Variants in GRM5 observed in about 807,000 individuals in gnomAD.
GRM5 encodes the protein glutamate metabotropic receptor 5.
Under a neutral mutation model 83.1 loss-of-function variants are expected in GRM5, and 19 were observed. The observed-to-expected ratio is 0.23, with a 90% CI of 0.16 to 0.34. The LOEUF (loss-of-function observed/expected upper bound fraction) is 0.34. GRM5 is among the 10% of genes least tolerant of loss of function. The pLI, the probability that GRM5 is intolerant of heterozygous loss-of-function variation, is 1.00. For synonymous variants in GRM5, 675 were observed against 633.6 expected, an observed-to-expected ratio of 1.07 and a Z score of -0.98; for missense variants, 1,160 against 1,588.3, an observed-to-expected ratio of 0.73 and a Z score of 4.58.
At position 88,508,299 on chromosome 11, in the gene GRM5, C is replaced by G. The variant is rs200857201; in HGVS notation, c.*293G>C. ...CGCACTGCTTCCCTAGAGCAAAGCA[C>G]TTGGTATGGAACTGTTTGAAGAGAC... On this transcript the variant is annotated 3_prime_UTR_variant, in exon 10 of 10. Transcript: ENST00000305447. This position sits in a 1 kb window ranked among gnomAD's most constrained non-coding sequence, Gnocchi z 4.2. 3.7e-6 allele frequency: 1 copy of G among 267,712 alleles called. No individual in the cohort carries two copies. The highest frequency in any genetic ancestry group is 6.9e-6 in the Non-Finnish European group (1 of 144,080). 16.6% of individuals were successfully genotyped at this position (267,712 alleles called of 1,614,324 possible). A position where few individuals can be genotyped will look rare whatever the true frequency, so the allele number is the denominator to read the frequency against.
chr11:89,055,765 G>A (rs1343048698), intron 1 of GRM5, among the ~76,000 whole-genome samples: 1 of 151,320 alleles, frequency 6.6e-6, no homozygotes, highest in African/African-American at 2.4e-5. Flanking sequence ...TTTCATATAA[G>A]TTCATTTGGA....
chr11:88,995,256 A>T (rs1940143424), intron 2 of GRM5, among the ~76,000 whole-genome samples: 1 of 152,126 alleles, frequency 6.6e-6, no homozygotes, highest in African/African-American at 2.4e-5. Flanking sequence ...GAGTTAAAAT[A>T]AGGCCAGTGA....
At chr11:88,861,171 A>T (rs1944555636) in intron 2 of GRM5, among the ~76,000 whole-genome samples, 1 of 152,142 alleles carries the variant, frequency 6.6e-6, no homozygotes, top group Non-Finnish European at 1.5e-5. Context: ...TTTAGATCCT[A>T]TACATTTCAG....
rs189177024 is a variant in GRM5 at position 88,898,270 on chromosome 11, C to T, written c.662-48115G>A. On this transcript the variant is annotated intron_variant, in intron 2 of 9. Transcript: ENST00000305447. ...GGGCCCACACTAGTAATGTTTAACT[C>T]GATTAATAATAATAATTAATAATAA... Among the ~76,000 whole-genome samples the T allele has an allele frequency of 5.1e-4, 78 of 151,854 alleles. No individual in the cohort carries two copies. In the South Asian group the frequency reaches 9.1e-3, roughly 18 times the overall value.
rs974439119 is a variant in GRM5, at chr11:88,637,370, C to T, written c.1147+15798G>A. ...ACTACCATCAGAGTGAACAGGCAAC[C>T]TACAAAATGGGAGAAAATTTTCGCA... On this transcript the variant is annotated intron_variant, in intron 4 of 9. Transcript: ENST00000305447. 3.3e-5 allele frequency among the ~76,000 whole-genome samples: 5 copies of T among 151,488 alleles called. No homozygotes were observed. The East Asian group carries it at 9.7e-4, about 29-fold the overall frequency.
At chr11:88,779,251 T>A (rs1392280409) in intron 3 of GRM5, among the ~76,000 whole-genome samples, 1 of 152,204 alleles carries the variant, frequency 6.6e-6, no homozygotes. Flanking sequence ...AGGAACCCTG[T>A]AAGGATTATT....
intron 3 of GRM5, among the ~76,000 whole-genome samples, chr11:88,775,157 G>C (rs1942820312): frequency 6.6e-6 from 1 of 152,038 alleles, no homozygotes; most frequent in Non-Finnish European, 1.5e-5. Flanking sequence ...CTTCTTCCTG[G>C]TTTAGTCTTG....
chr11:88,785,152 T>C (rs1259531534), intron 3 of GRM5, among the ~76,000 whole-genome samples: 5 of 152,084 alleles, frequency 3.3e-5, no homozygotes, highest in African/African-American at 1.2e-4. Context: ...TATGGGATTA[T>C]CTTTCTATCT....
chr11:88,902,181 T>C (rs1479554668), intron 2 of GRM5, among the ~76,000 whole-genome samples: 1 of 152,078 alleles, frequency 6.6e-6, no homozygotes, highest in Non-Finnish European at 1.5e-5. Context: ...TTTGTTTTTT[T>C]AATGAGTTTA....
intron 2 of GRM5, among the ~76,000 whole-genome samples, chr11:88,967,300 T>C (rs1451276774): frequency 6.7e-6 from 1 of 149,844 alleles, no homozygotes; most frequent in Non-Finnish European, 1.5e-5. Context: ...GAGTATTTCA[T>C]CTATTAAAGA....
chr11:89,022,364 T>A (rs1051282449), intron 2 of GRM5, among the ~76,000 whole-genome samples: 3 of 151,630 alleles, frequency 2.0e-5, no homozygotes, highest in Admixed American at 1.3e-4. Flanking sequence ...AAGAATAGGC[T>A]GGGCGCGGTG....
chr11:88,562,717 AT>A (rs751587224), intron 8 of GRM5, among the ~76,000 whole-genome samples: 69 of 151,602 alleles, frequency 4.6e-4, no homozygotes, highest in Non-Finnish European at 8.8e-4. Context: ...AGGTGCTAAC[AT>A]TTTAGGCACT....
chr11:88,946,702 A>G (rs1049037211), intron 2 of GRM5, among the ~76,000 whole-genome samples: 7 of 152,104 alleles, frequency 4.6e-5, no homozygotes, highest in African/African-American at 1.7e-4. Context: ...AAAATTTTCT[A>G]TGTCCTCTCT....
intron 2 of GRM5, among the ~76,000 whole-genome samples, chr11:88,945,448 C>T (rs1429831398): frequency 4.6e-5 from 7 of 151,868 alleles, no homozygotes; most frequent in African/African-American, 1.7e-4. Context: ...CAACTCTAAC[C>T]AAAAAGAACA....
At chr11:88,882,519 C>T (rs1340410796) in intron 2 of GRM5, among the ~76,000 whole-genome samples, 5 of 150,352 alleles carry the variant, frequency 3.3e-5, no homozygotes, top group Non-Finnish European at 7.4e-5. Flanking sequence ...CGAGATAGTG[C>T]CACTGCAGTC....
chr11:88,960,492 A>G (rs1200032098), intron 2 of GRM5, among the ~76,000 whole-genome samples: 7 of 152,242 alleles, frequency 4.6e-5, no homozygotes, highest in Non-Finnish European at 1.0e-4. Flanking sequence ...AGGAACATCC[A>G]TTGCTAACTA....
At position 89,028,950 on chromosome 11, in the gene GRM5, C is replaced by G. The variant is rs569928334; in HGVS notation, c.661+18262G>C. 3.6e-4 allele frequency among the ~76,000 whole-genome samples: 55 copies of G among 152,154 alleles called. 1 individual carries two copies. The highest frequency in any genetic ancestry group is 3.1e-3 in the South Asian group (15 of 4,816). On this transcript the variant is annotated intron_variant, in intron 2 of 9. Coordinates refer to ENST00000305447, the MANE Select transcript of GRM5 (RefSeq NM_001143831.3). ...TATCCCTTCCCCAGTCCCCCACCCCCCTACGTACCCTCCCTGTTCTCCTTC... is the reference window on the plus strand; with the variant it reads ...TATCCCTTCCCCAGTCCCCCACCCCGCTACGTACCCTCCCTGTTCTCCTTC...
chr11:88,763,261 G>A lies in GRM5; in HGVS notation c.911+86645C>T, dbSNP rs1039362636. On this transcript the variant is annotated intron_variant, in intron 3 of 9. Coordinates refer to ENST00000305447, the MANE Select transcript of GRM5 (RefSeq NM_001143831.3). ...AATTAGCACTAAATCTTTTATACAT[G>A]AAATAGGCCTTGAGGGAGTCTGTAG... Among the ~76,000 whole-genome samples, 6 of 86,700 alleles carry A rather than the reference G, an allele frequency of 6.9e-5. No individual in the cohort carries two copies. In the Admixed American group the frequency reaches 8.6e-4, roughly 12 times the overall value. 56.9% of individuals were successfully genotyped at this position (86,700 alleles called of 152,430 possible). A position where few individuals can be genotyped will look rare whatever the true frequency, so the allele number is the denominator to read the frequency against.
At chr11:88,671,018 A>G (rs1191757395) in intron 3 of GRM5, among the ~76,000 whole-genome samples, 2 of 152,058 alleles carry the variant, frequency 1.3e-5, no homozygotes, top group Non-Finnish European at 2.9e-5. Flanking sequence ...CTGACAGAGC[A>G]GGAGCATCGC....
Sources: allele counts gnomAD v4.1 joint callset (sites outside exome capture counted in the v4.1 genomes callset), GRCh38; gene constraint gnomAD v4.1.1; non-coding constraint Gnocchi (gnomAD v3.1); transcripts MANE v1.5; gene names NCBI Gene and HGNC (gene_info 2026-07-23, HGNC 2026-07-21).